GATAD2A: variants seen among roughly 807,000 people sequenced by gnomAD.
GATAD2A encodes GATA zinc finger domain containing 2A, also known as transcriptional repressor p66-alpha.
Under a neutral mutation model 68.5 loss-of-function variants are expected in GATAD2A, and 12 were observed. The observed-to-expected ratio is 0.18, with a 90% CI of 0.11 to 0.28. The LOEUF is 0.28. Ranked by LOEUF, GATAD2A falls within the 10% of genes least tolerant of loss-of-function variation. The pLI is 1.00. For synonymous variants in GATAD2A, 410 were observed against 375.3 expected (o/e 1.09, Z -1.07); for missense variants, 755 against 868.5 (o/e 0.87, Z 1.64).
At chr19:19,495,978 G>A in intron 6 of GATAD2A, 74 bp from the exon 7 acceptor site, 3 of 1,582,884 alleles carry the variant, frequency 1.9e-6, no homozygotes. Flanking sequence ...GGGGCAAGGT[G>A]CCCTGTGCCT....
chr19:19,408,905 G>A (rs565530620), intron 1 of GATAD2A, among the ~76,000 whole-genome samples: 1 of 152,248 alleles, frequency 6.6e-6, no homozygotes, highest in South Asian at 2.1e-4. Context: ...GGCAAGGGCT[G>A]GTGCAGTGAG....
intron 1 of GATAD2A, among the ~76,000 whole-genome samples, chr19:19,430,486 A>T (rs1325816471): frequency 6.6e-6 from 1 of 152,174 alleles, no homozygotes; most frequent in Non-Finnish European, 1.5e-5. Context: ...TTCACCTTGG[A>T]TGTTGTTGGC....
rs2147030460 is a variant in GATAD2A, at chr19:19,406,033, C to T, written c.-7+14C>T. 1 of 152,052 alleles carries T rather than the reference C, an allele frequency of 6.6e-6. No homozygotes were observed. The highest frequency in any genetic ancestry group is 2.1e-4 in the South Asian group (1 of 4,832). The allele number at this position is 152,052 out of a possible 1,614,324, so 9.4% of individuals were successfully genotyped here. A position where few individuals can be genotyped will look rare whatever the true frequency, so the allele number is the denominator to read the frequency against. On this transcript the variant is annotated intron_variant, in intron 1 of 11. Transcript: ENST00000683918. The stretch of plus-strand genomic sequence containing the variant: ...ACCCGCGGCCCGGTAAGTTCTGGAC[C>T]AAACTTGGCGGGGGGCGGGGGCTGG...
intron 1 of GATAD2A, among the ~76,000 whole-genome samples, chr19:19,399,667 T>G (rs2049555198): frequency 6.6e-6 from 1 of 152,204 alleles, no homozygotes; most frequent in African/African-American, 2.4e-5. Flanking sequence ...GGCATGGTTG[T>G]TATTATCAAG....
At chr19:19,467,102 G>A (rs545359449) in intron 2 of GATAD2A, among the ~76,000 whole-genome samples, 7 of 152,346 alleles carry the variant, frequency 4.6e-5, no homozygotes, top group South Asian at 2.1e-4. Flanking sequence ...TCAGCTGGGC[G>A]CGGTGACTCA....
intron 7 of GATAD2A, among the ~76,000 whole-genome samples, chr19:19,498,042 C>A (rs1280604214): frequency 3.9e-5 from 6 of 151,926 alleles, no homozygotes; most frequent in Non-Finnish European, 8.8e-5. Flanking sequence ...ACCCTCTTAC[C>A]CTGTGAGAAG....
intron 5 of GATAD2A, among the ~76,000 whole-genome samples, chr19:19,495,192 C>G (rs1600285075): frequency 6.6e-6 from 1 of 152,170 alleles, no homozygotes; most frequent in East Asian, 1.9e-4. Flanking sequence ...GATGAGGTTT[C>G]ACTGTTACCC....
At position 19,465,352 on chromosome 19, in the gene GATAD2A, G is replaced by A. The variant is rs768205411; in HGVS notation, c.7G>A (p.Glu3Lys). 11 of 1,613,614 alleles carry A rather than the reference G, an allele frequency of 6.8e-6. No individual in the cohort carries two copies. The highest frequency in any genetic ancestry group is 3.3e-5 in the South Asian group (3 of 91,088). The change falls in exon 2 of 12, where the codon GAA becomes AAA. Residue 3 changes from glutamate (E) to lysine (K), a missense_variant. Physicochemically the swap from Glu to Lys is moderately conservative, Grantham distance 56. Coordinates refer to ENST00000683918, the MANE Select transcript of GATAD2A (RefSeq NM_001384528.1). MT[E>K]EACRTRSQKR... ...CCTCCCTCCCAAGTTCAGAATGACCGAAGAAGCATGCCGAACACGGAGTCA... is the reference window on the plus strand; with the variant it reads ...CCTCCCTCCCAAGTTCAGAATGACCAAAGAAGCATGCCGAACACGGAGTCA...
rs114459242 is a variant in GATAD2A, at chr19:19,479,800, T to C, written c.270-12506T>C. Reference sequence around the variant, plus strand: ...GCTCCACCATTTCCATACTGTCCTCTTTGGAAGGAAGTTACTATGTGTGGC... The same window carrying C: ...GCTCCACCATTTCCATACTGTCCTCCTTGGAAGGAAGTTACTATGTGTGGC... On this transcript the variant is annotated intron_variant, in intron 2 of 11. Coordinates refer to ENST00000683918, the MANE Select transcript of GATAD2A (RefSeq NM_001384528.1). Among the ~76,000 whole-genome samples the C allele has an allele frequency of 7.8e-3, 1,191 of 151,972 alleles. 19 individuals are homozygous for C. Among genetic ancestry groups the C allele is most frequent in the African/African-American group, 0.026 (1,079 of 41,420 alleles).
At chr19:19,499,221 A>G (rs3794990) in intron 8 of GATAD2A, among the ~76,000 whole-genome samples, 65,791 of 152,066 alleles carry the variant, frequency 0.43, 15,614 homozygotes, top group African/African-American at 0.63. Flanking sequence ...AGGAATAAAA[A>G]GACATCTACG....
intron 11 of GATAD2A, among the ~76,000 whole-genome samples, chr19:19,503,908 A>C (rs986842672): frequency 6.6e-6 from 1 of 152,158 alleles, no homozygotes; most frequent in Admixed American, 6.5e-5. Flanking sequence ...ATTAGCCACC[A>C]CTAAAAATAC....
intron 1 of GATAD2A, among the ~76,000 whole-genome samples, chr19:19,430,976 G>GTGT (rs1555699848): frequency 1.1e-4 from 15 of 136,694 alleles, no homozygotes; most frequent in African/African-American, 3.7e-4. Context: ...GTATGGTAGG[G>GTGT]GTGTGTGTGT....
Position 19,502,322 on chromosome 19 carries a change from C to T in GATAD2A, c.1579-9C>T, listed in dbSNP as rs774624348. Reference sequence around the variant, plus strand: ...TGCATGAGCCGTCACCCCCCTTTCTCCACTGCAGGCCTCCAGCCAGCTGTC... The same window carrying T: ...TGCATGAGCCGTCACCCCCCTTTCTTCACTGCAGGCCTCCAGCCAGCTGTC... On this transcript the variant is annotated splice_polypyrimidine_tract_variant and intron_variant, in intron 10 of 11. Coordinates refer to ENST00000683918, the MANE Select transcript of GATAD2A (RefSeq NM_001384528.1). 6 of 1,599,774 alleles carry T rather than the reference C, an allele frequency of 3.8e-6. No individual in the cohort carries two copies. The South Asian group carries it at 6.6e-5, about 18-fold the overall frequency.
chr19:19,494,233 C>T (rs2059994853), intron 4 of GATAD2A, 61 bp from the exon 5 acceptor site: 10 of 900,628 alleles, frequency 1.1e-5, no homozygotes, highest in South Asian at 1.0e-4. Context: ...TTGGCAACTC[C>T]GTGTGAGGAG....
intron 1 of GATAD2A, among the ~76,000 whole-genome samples, chr19:19,416,874 G>C (rs2051710462): frequency 6.6e-6 from 1 of 151,766 alleles, no homozygotes; most frequent in Non-Finnish European, 1.5e-5. Flanking sequence ...CGATTCTCCT[G>C]CCTCAACCTC....
At position 19,440,117 on chromosome 19, in the gene GATAD2A, C is replaced by T. The variant is rs186608982; in HGVS notation, c.-6-25223C>T. The T allele has an allele frequency of 7.4e-6, 3 of 406,186 alleles. No individual in the cohort carries two copies. In the East Asian group the frequency reaches 3.2e-4, roughly 44 times the overall value. 25.2% of individuals were successfully genotyped at this position (406,186 alleles called of 1,614,324 possible). A position where few individuals can be genotyped will look rare whatever the true frequency, so the allele number is the denominator to read the frequency against. The stretch of plus-strand genomic sequence containing the variant: ...GAAGGGAGGAAGGAGTAGGTGATGT[C>T]TTCATTTGTGGTGGTGATGGGATTT... On this transcript the variant is annotated intron_variant, in intron 1 of 11. Coordinates refer to ENST00000683918, the MANE Select transcript of GATAD2A (RefSeq NM_001384528.1).
At chr19:19,396,412 G>C (rs1349884807) in intron 1 of GATAD2A, among the ~76,000 whole-genome samples, 1 of 152,228 alleles carries the variant, frequency 6.6e-6, no homozygotes, top group Non-Finnish European at 1.5e-5. Flanking sequence ...GAACAAACCA[G>C]TTGACACTGG....
intron 1 of GATAD2A, among the ~76,000 whole-genome samples, chr19:19,453,471 T>C (rs1477243302): frequency 6.6e-6 from 1 of 152,164 alleles, no homozygotes; most frequent in Non-Finnish European, 1.5e-5. Flanking sequence ...GTCCTTGCTC[T>C]GGATTTAATT....
intron 2 of GATAD2A, among the ~76,000 whole-genome samples, chr19:19,470,153 T>A (rs1333640538): frequency 9.3e-5 from 13 of 139,314 alleles, no homozygotes; most frequent in Non-Finnish European, 1.7e-4. Context: ...ATTTTTTTTT[T>A]TGTTTTTTTT....
Sources: gnomAD v4.1 joint callset for allele counts (sites outside exome capture counted in the v4.1 genomes callset) on GRCh38, gnomAD v4.1.1 for gene constraint, MANE v1.5 for transcripts, NCBI Gene and HGNC (gene_info 2026-07-23, HGNC 2026-07-21) for gene names.